SIPA1L3: variants seen among roughly 807,000 people sequenced by gnomAD.
SIPA1L3 encodes signal induced proliferation associated 1 like 3.
A neutral mutation model predicts 150.1 loss-of-function variants in SIPA1L3; 59 were observed. The ratio of observed to expected loss-of-function variants is 0.39; its 90% CI spans 0.32 to 0.49. The LOEUF is 0.49. Ranked by LOEUF, SIPA1L3 falls within the 20% of genes least tolerant of loss-of-function variation. The pLI is 0.86. For missense variants in SIPA1L3, 2,211 were observed against 2,489.5 expected, an observed-to-expected ratio of 0.89 and a Z score of 2.38; for synonymous variants, 1,070 against 1,077.6, an observed-to-expected ratio of 0.99 and a Z score of 0.14.
chr19:38,105,627 C>T (rs1415750645), intron 6 of SIPA1L3, among the ~76,000 whole-genome samples: 1 of 152,220 alleles, frequency 6.6e-6, no homozygotes, highest in Non-Finnish European at 1.5e-5. Flanking sequence ...ACATCCCTGA[C>T]TGGTATAATC....
intron 1 of SIPA1L3, among the ~76,000 whole-genome samples, chr19:37,980,940 G>A (rs56251160): frequency 0.28 from 43,082 of 152,108 alleles, 6,948 homozygotes; most frequent in Non-Finnish European, 0.37. Context: ...CATGAGACAC[G>A]GGACACATCC....
intron 1 of SIPA1L3, among the ~76,000 whole-genome samples, chr19:37,973,669 C>G (rs971015773): frequency 1.6e-4 from 24 of 152,008 alleles, no homozygotes; most frequent in African/African-American, 5.1e-4. Flanking sequence ...TGTCCCCCAT[C>G]CCACACTCAC....
chr19:38,172,675 G>T (rs1972353722), intron 15 of SIPA1L3, among the ~76,000 whole-genome samples: 1 of 152,134 alleles, frequency 6.6e-6, no homozygotes, highest in East Asian at 1.9e-4. Context: ...GGGGAGAGTG[G>T]CAGGAGGTCA....
chr19:38,026,612 G>A (rs753254538), intron 1 of SIPA1L3, among the ~76,000 whole-genome samples: 5 of 152,136 alleles, frequency 3.3e-5, no homozygotes, highest in African/African-American at 1.2e-4. Flanking sequence ...CTAACTTCAC[G>A]AAGCTGAATC....
rs773931584 is a variant in SIPA1L3 at position 38,130,779 on chromosome 19, G to T, written c.3143+7G>T. ...AGGACGGCACTCCCCGGAGGTAAGG[G>T]CCTCCACCTTTCAGCCAGGTGGTGG... is the stretch of plus-strand genomic sequence containing the variant. On this transcript the variant is annotated splice_region_variant and intron_variant, in intron 10 of 21. Transcript: ENST00000222345. The T allele has an allele frequency of 6.3e-7, 1 of 1,588,358 alleles. No homozygotes were observed. The highest frequency in any genetic ancestry group is 8.6e-7 in the Non-Finnish European group (1 of 1,162,360).
intron 15 of SIPA1L3, among the ~76,000 whole-genome samples, chr19:38,177,230 G>A (rs1226236018): frequency 6.7e-6 from 1 of 149,004 alleles, no homozygotes; most frequent in Non-Finnish European, 1.5e-5. Flanking sequence ...GTGTGGTGGT[G>A]GGCGCCTGTA....
At position 38,164,414 on chromosome 19, in the gene SIPA1L3, C is replaced by G; in HGVS notation, c.3781-65C>G. The G allele has an allele frequency of 6.7e-7, 1 of 1,483,478 alleles. No individual in the cohort carries two copies. Among genetic ancestry groups the G allele is most frequent in the Non-Finnish European group, 9.2e-7 (1 of 1,086,520 alleles). 91.9% of individuals were successfully genotyped at this position (1,483,478 alleles called of 1,614,324 possible). On this transcript the variant is annotated intron_variant, in intron 14 of 21. Coordinates refer to ENST00000222345, the MANE Select transcript of SIPA1L3 (RefSeq NM_015073.3). The surrounding 1 kb of genome is among the most constrained non-coding windows in gnomAD (Gnocchi z 4.1). ...GGTTCAGGCCCAGGCAGAGGGAGGA[C>G]CCGGCAAGGGAAGATGCGCCCCTGC...
chr19:38,012,113 G>T (rs1968114218), intron 1 of SIPA1L3, among the ~76,000 whole-genome samples: 2 of 150,760 alleles, frequency 1.3e-5, no homozygotes, highest in African/African-American at 2.4e-5. Flanking sequence ...TTGAGACAGG[G>T]TCTTGCTCTG....
intron 1 of SIPA1L3, among the ~76,000 whole-genome samples, chr19:37,966,317 C>T (rs2046903897): frequency 6.6e-6 from 1 of 152,156 alleles, no homozygotes; most frequent in Non-Finnish European, 1.5e-5. Flanking sequence ...TGTCCCCTTG[C>T]CTCGGGCTCA....
intron 15 of SIPA1L3, among the ~76,000 whole-genome samples, chr19:38,179,328 G>A (rs1972510541): frequency 1.3e-5 from 2 of 152,212 alleles, no homozygotes; most frequent in Admixed American, 1.3e-4. Context: ...CGTAATCCCA[G>A]CTACTCAGGA....
At position 38,047,249 on chromosome 19, in the gene SIPA1L3, C is replaced by T. The variant is rs774609262; in HGVS notation, c.-311+18093C>T. On this transcript the variant is annotated intron_variant, in intron 2 of 21. Transcript: ENST00000222345. This position sits in a 1 kb window ranked among gnomAD's most constrained non-coding sequence, Gnocchi z 4.7. ...CGACACACACGCACGCACACACGCA[C>T]GCACTCACACACACTCCTACACATT... Among the ~76,000 whole-genome samples, 4 of 152,134 alleles carry T rather than the reference C, an allele frequency of 2.6e-5. No homozygotes were observed. Among genetic ancestry groups the T allele is most frequent in the African/African-American group, 4.8e-5 (2 of 41,420 alleles).
chr19:38,039,168 C>T (rs1484655389), intron 2 of SIPA1L3, among the ~76,000 whole-genome samples: 1 of 152,068 alleles, frequency 6.6e-6, no homozygotes, highest in Non-Finnish European at 1.5e-5. Context: ...CAGGCATGAG[C>T]CACCTTGCCT....
At chr19:38,144,698 G>A (rs58821527) in intron 12 of SIPA1L3, among the ~76,000 whole-genome samples, 12 of 152,326 alleles carry the variant, frequency 7.9e-5, no homozygotes, top group African/African-American at 2.2e-4. Flanking sequence ...GCTTTCTGGC[G>A]TGCCAGGAGG....
rs550775839 is a variant in SIPA1L3, at chr19:38,208,264, T to A, written c.*2024T>A. 6.7e-6 allele frequency: 1 copy of A among 150,024 alleles called. No individual in the cohort carries two copies. Among genetic ancestry groups the A allele is most frequent in the African/African-American group, 2.5e-5 (1 of 40,448 alleles). The allele number at this position is 150,024 out of a possible 1,614,324, so 9.3% of individuals were successfully genotyped here. ...CATATGTTGATTTGTTTCATTTGGA[T>A]TTTTTTTTTATTATTCTTTATTGTC... On this transcript the variant is annotated 3_prime_UTR_variant, in exon 22 of 22. Transcript: ENST00000222345.
At chr19:37,958,876 A>G (rs962969775) in intron 1 of SIPA1L3, among the ~76,000 whole-genome samples, 4 of 152,258 alleles carry the variant, frequency 2.6e-5, no homozygotes, top group African/African-American at 9.6e-5. Flanking sequence ...TGGGCAAAGG[A>G]TTTGAATGGC....
chr19:38,057,958 G>A (rs1969361355), intron 2 of SIPA1L3, among the ~76,000 whole-genome samples: 1 of 151,964 alleles, frequency 6.6e-6, no homozygotes, highest in Non-Finnish European at 1.5e-5. Context: ...CACCATGCCC[G>A]GCCTGAGAAC....
intron 1 of SIPA1L3, among the ~76,000 whole-genome samples, chr19:37,914,849 C>T (rs995790328): frequency 6.6e-6 from 1 of 152,142 alleles, no homozygotes; most frequent in Non-Finnish European, 1.5e-5. Context: ...TTACCTGGTG[C>T]TTACTCTGTG....
intron 2 of SIPA1L3, among the ~76,000 whole-genome samples, chr19:38,055,179 G>A (rs754544796): frequency 6.6e-6 from 1 of 152,084 alleles, no homozygotes; most frequent in Non-Finnish European, 1.5e-5. Flanking sequence ...GATTGCAATC[G>A]GCTACATGTA....
chr19:38,014,115 A>C (rs1256704769), intron 1 of SIPA1L3, among the ~76,000 whole-genome samples: 3 of 152,228 alleles, frequency 2.0e-5, no homozygotes, highest in Non-Finnish European at 4.4e-5. Flanking sequence ...CCCACTGGTC[A>C]TTATTAGAGG....
Sources: allele counts gnomAD v4.1 joint callset (sites outside exome capture counted in the v4.1 genomes callset), GRCh38; gene constraint gnomAD v4.1.1; non-coding constraint Gnocchi (gnomAD v3.1); transcripts MANE v1.5; gene names NCBI Gene and HGNC (gene_info 2026-07-23, HGNC 2026-07-21).